The following PCDHGA9 variants were observed in gnomAD, a reference collection of about 807,000 sequenced individuals.
PCDHGA9 encodes protocadherin gamma-A9.
In PCDHGA9, 37 loss-of-function variants were observed where a neutral mutation model predicts 62.5. The observed-to-expected ratio is 0.59, with a 90% CI of 0.46 to 0.78. The LOEUF is 0.78. Among genes scored for constraint, PCDHGA9 ranks in the 30% least tolerant of loss-of-function variants. The pLI is 0.00. For missense variants in PCDHGA9, 1,138 were observed against 1,166.2 expected, an observed-to-expected ratio of 0.98 and a Z score of 0.35; for synonymous variants, 459 against 484.6, an observed-to-expected ratio of 0.95 and a Z score of 0.69.
At chr5:141,438,303 T>G (rs2097949191) in intron 1 of PCDHGA9, among the ~76,000 whole-genome samples, 1 of 152,068 alleles carries the variant, frequency 6.6e-6, no homozygotes, top group African/African-American at 2.4e-5. Flanking sequence ...TAAAAGAAGT[T>G]GGTACCACCA....
rs1338955892 is a variant in PCDHGA9, at chr5:141,502,521, T to C, written c.2484-2872T>C. 5.9e-5 allele frequency among the ~76,000 whole-genome samples: 9 copies of C among 152,338 alleles called. No homozygotes were observed. In the East Asian group the frequency reaches 1.7e-3, roughly 29 times the overall value. The stretch of plus-strand genomic sequence containing the variant: ...CGTCGGCCTGTCCCACTATCAGTGA[T>C]GCCGAGTTTGTTCGTGTGGTAAAAA... On this transcript the variant is annotated intron_variant, in intron 2 of 3. Transcript: ENST00000573521.
chr5:141,422,575 C>G, intron 1 of PCDHGA9: 1 of 1,613,976 alleles, frequency 6.2e-7, no homozygotes, highest in Non-Finnish European at 8.5e-7. Flanking sequence ...CAACGATAAC[C>G]CTCCCGTTTT....
chr5:141,415,907 T>C, intron 1 of PCDHGA9: 1 of 779,592 alleles, frequency 1.3e-6, no homozygotes. Context: ...CAGACTTCCA[T>C]ACAGAAGTGC....
chr5:141,470,597 T>A (rs1309687738), intron 1 of PCDHGA9, among the ~76,000 whole-genome samples: 5 of 152,216 alleles, frequency 3.3e-5, no homozygotes, highest in Non-Finnish European at 7.3e-5. Flanking sequence ...AGGCGACCTG[T>A]GCGGGGACAC....
rs147674746 is a variant in PCDHGA9, at chr5:141,477,348, C to G, written c.2425-17459C>G. 7 of 1,614,180 alleles carry G rather than the reference C, an allele frequency of 4.3e-6. No individual in the cohort carries two copies. Among genetic ancestry groups the G allele is most frequent in the Non-Finnish European group, 5.9e-6 (7 of 1,180,030 alleles). ...CTCAAGAATTACTTCACTTTGAAAA[C>G]CAGTGCAGACCTGGATCGGGAGACT... is the stretch of plus-strand genomic sequence containing the variant. On this transcript the variant is annotated intron_variant, in intron 1 of 3. Transcript: ENST00000573521. The surrounding 1 kb of genome is among the most constrained non-coding windows in gnomAD (Gnocchi z 4.9).
intron 1 of PCDHGA9, among the ~76,000 whole-genome samples, chr5:141,455,161 T>G (rs6861291): frequency 0.084 from 8,821 of 104,682 alleles, 480 homozygotes; most frequent in African/African-American, 0.22. Context: ...AGTTTGTTGG[T>G]TTTTTTTTTA....
chr5:141,431,498 T>C lies in PCDHGA9; in HGVS notation c.2424+26122T>C, dbSNP rs1274311782. On this transcript the variant is annotated intron_variant, in intron 1 of 3. Coordinates refer to ENST00000573521, the MANE Select transcript of PCDHGA9 (RefSeq NM_018921.3). The surrounding 1 kb of genome is among the most constrained non-coding windows in gnomAD (Gnocchi z 4.8). ...CGCACCAGCGTTTGCTCAGCCCGAG[T>C]ACCGCGCGAGCGTTCCGGAGAATCT... The C allele has an allele frequency of 6.2e-7, 1 of 1,613,992 alleles. No homozygotes were observed. Among genetic ancestry groups the C allele is most frequent in the Non-Finnish European group, 8.5e-7 (1 of 1,180,034 alleles).
In PCDHGA9 at chr5:141,435,388, G is replaced by T. The variant is rs186494703; in HGVS notation, c.2424+30012G>T. Among the ~76,000 whole-genome samples, 241 of 152,094 alleles carry T rather than the reference G, an allele frequency of 1.6e-3. 5 individuals carry two copies. Among genetic ancestry groups the T allele is most frequent in the Non-Finnish European group, 2.1e-4 (14 of 67,992 alleles). The stretch of plus-strand genomic sequence containing the variant: ...ACTTAAATATACAATATACCGTATT[G>T]CCATGACGAAAAATGGTAAAGACTA... On this transcript the variant is annotated intron_variant, in intron 1 of 3. Transcript: ENST00000573521.
chr5:141,414,638 A>C lies in PCDHGA9; in HGVS notation c.2424+9262A>C, dbSNP rs539861509. The C allele has an allele frequency of 7.8e-5, 126 of 1,613,988 alleles. 1 individual carries two copies. In the South Asian group the frequency reaches 1.3e-3, roughly 17 times the overall value. ...GCGCTGGACCCGGACAGCAAAGAGA[A>C]TGCCCAGATTATTTACTCCCTGGCT... On this transcript the variant is annotated intron_variant, in intron 1 of 3. Coordinates refer to ENST00000573521, the MANE Select transcript of PCDHGA9 (RefSeq NM_018921.3).
chr5:141,428,459 A>G (rs1322945046), intron 1 of PCDHGA9: 2 of 350,154 alleles, frequency 5.7e-6, no homozygotes, highest in Non-Finnish European at 1.1e-5. Flanking sequence ...CCCAACTACA[A>G]TGAGGGAACT....
chr5:141,410,135 G>T, intron 1 of PCDHGA9: 1 of 1,612,626 alleles, frequency 6.2e-7, no homozygotes, highest in Non-Finnish European at 8.5e-7. Context: ...CCTGCTGGTC[G>T]CTGTGCGTGA....
intron 1 of PCDHGA9, among the ~76,000 whole-genome samples, chr5:141,482,048 G>A (rs375214441): frequency 1.3e-5 from 2 of 150,044 alleles, no homozygotes; most frequent in Non-Finnish European, 2.9e-5. Flanking sequence ...TCATGCTGTT[G>A]CATTCCAGCC....
At chr5:141,407,032 CAT>C (rs2094880022) in intron 1 of PCDHGA9, among the ~76,000 whole-genome samples, 1 of 152,174 alleles carries the variant, frequency 6.6e-6, no homozygotes, top group African/African-American at 2.4e-5. Flanking sequence ...CTATGCTAAA[CAT>C]GTGATCCATA....
At chr5:141,409,734 G>A in intron 1 of PCDHGA9, 1 of 1,613,144 alleles carries the variant, frequency 6.2e-7, no homozygotes, top group East Asian at 2.2e-5. Flanking sequence ...AGCGCGCAGA[G>A]CGGGGTGGTG....
chr5:141,490,417 C>A lies in PCDHGA9; in HGVS notation c.2425-4390C>A, dbSNP rs767996336. ...AGTGAGCCTTGATATCTCTCCGGAC[C>A]TGCCATTTCAGATTAAGCCTTCTGA... On this transcript the variant is annotated intron_variant, in intron 1 of 3. Transcript: ENST00000573521. The surrounding 1 kb of genome is among the most constrained non-coding windows in gnomAD (Gnocchi z 5.4). 4.3e-6 allele frequency: 7 copies of A among 1,614,196 alleles called. No homozygotes were observed. In the South Asian group the frequency reaches 7.7e-5, roughly 18 times the overall value.
chr5:141,403,210 C>T lies in PCDHGA9; in HGVS notation c.258C>T (p.Thr86=), dbSNP rs369033480. 123 of 1,613,946 alleles carry T rather than the reference C, an allele frequency of 7.6e-5. No homozygotes were observed. In the Middle Eastern group the frequency reaches 1.2e-3, roughly 15 times the overall value. The change falls in exon 1 of 4, where the codon ACC becomes ACT. Residue 86 remains threonine, a synonymous_variant. Coordinates refer to ENST00000573521, the MANE Select transcript of PCDHGA9 (RefSeq NM_018921.3). Reference sequence around the variant, plus strand: ...ACCCGCGCAGCGGCACCTTGGTCACCGCGGGTAGGATAGACCGGGAGGAGC... The same window carrying T: ...ACCCGCGCAGCGGCACCTTGGTCACTGCGGGTAGGATAGACCGGGAGGAGC... ...SLNPRSGTLV[T]AGRIDREELC...
At chr5:141,494,161 T>G (rs1420295862) in intron 1 of PCDHGA9, among the ~76,000 whole-genome samples, 3 of 152,052 alleles carry the variant, frequency 2.0e-5, no homozygotes, top group African/African-American at 7.3e-5. Flanking sequence ...TGGCACGGAG[T>G]TCTAGGGGTG....
At chr5:141,442,089 C>A in intron 1 of PCDHGA9, 1 of 170,684 alleles carries the variant, frequency 5.9e-6, no homozygotes, top group South Asian at 1.1e-4. Context: ...CTCGCTACCG[C>A]CACGTCACCA....
intron 1 of PCDHGA9, among the ~76,000 whole-genome samples, chr5:141,467,441 T>C (rs919148544): frequency 6.6e-6 from 1 of 152,340 alleles, no homozygotes; most frequent in African/African-American, 2.4e-5. Context: ...CATTCATTAC[T>C]TTTTTCTTCC....
Sources: allele counts gnomAD v4.1 joint callset (sites outside exome capture counted in the v4.1 genomes callset), GRCh38; gene constraint gnomAD v4.1.1; non-coding constraint Gnocchi (gnomAD v3.1); transcripts MANE v1.5; gene names NCBI Gene and HGNC (gene_info 2026-07-23, HGNC 2026-07-21).